Variants in METTL16 observed in about 807,000 individuals in gnomAD.
The protein encoded by METTL16 is methyltransferase 16, RNA N6-adenosine.
In METTL16, 19 loss-of-function variants were observed where a neutral mutation model predicts 57.9. The observed-to-expected ratio is 0.33, with a 90% CI of 0.23 to 0.48. The LOEUF (loss-of-function observed/expected upper bound fraction) is 0.48. Among genes scored for constraint, METTL16 ranks in the 20% least tolerant of loss-of-function variants. The pLI is 0.99. For synonymous variants in METTL16, 246 were observed against 255.6 expected (o/e 0.96, Z 0.36); for missense variants, 434 against 691.5 (o/e 0.63, Z 4.18).
At chr17:2,510,286 T>A (rs925229962) in intron 1 of METTL16, among the ~76,000 whole-genome samples, 29 of 152,184 alleles carry the variant, frequency 1.9e-4, no homozygotes, top group African/African-American at 6.3e-4. Flanking sequence ...ATTTTTTATA[T>A]CTATGTATTG....
At chr17:2,474,386 G>GAAAAAAAAAAAAAAAAAAAACAAAAA (rs2067255520) in intron 3 of METTL16, among the ~76,000 whole-genome samples, 1 of 60,236 alleles carries the variant, frequency 1.7e-5, no homozygotes, top group African/African-American at 4.3e-5. Context: ...GAAACAAAAA[G>GAAAAAAAAAAAAAAAAAAAACAAAAA]AAAAAAAAAA....
intron 6 of METTL16, among the ~76,000 whole-genome samples, chr17:2,441,805 G>A (rs1289904763): frequency 6.6e-6 from 1 of 152,108 alleles, no homozygotes; most frequent in Non-Finnish European, 1.5e-5. Context: ...CAATGCTTCA[G>A]GGCTATGTAT....
At chr17:2,452,459 C>T (rs2067078190) in intron 6 of METTL16, among the ~76,000 whole-genome samples, 1 of 152,082 alleles carries the variant, frequency 6.6e-6, no homozygotes. Flanking sequence ...TAGCTACTCT[C>T]AACGGGCATC....
chr17:2,468,502 A>C (rs2067216588), intron 4 of METTL16, among the ~76,000 whole-genome samples: 1 of 152,194 alleles, frequency 6.6e-6, no homozygotes, highest in Non-Finnish European at 1.5e-5. Context: ...CCGCAAATGC[A>C]TCAAAGGGTC....
rs560719866 is a variant in METTL16 at position 2,453,313 on chromosome 17, C to T, written c.728+10895G>A. 2.6e-5 allele frequency among the ~76,000 whole-genome samples: 4 copies of T among 152,286 alleles called. No homozygotes were observed. The East Asian group carries it at 5.8e-4, about 22-fold the overall frequency. ...CCCGATACAAGGCCCCTTAGGATTGCGAATTTCATGTACTTGTCATGTCTC... is the reference window on the plus strand; with the variant it reads ...CCCGATACAAGGCCCCTTAGGATTGTGAATTTCATGTACTTGTCATGTCTC... On this transcript the variant is annotated intron_variant, in intron 6 of 9. Coordinates refer to ENST00000263092, the MANE Select transcript of METTL16 (RefSeq NM_024086.4).
At chr17:2,486,999 G>A (rs2067347244) in intron 2 of METTL16, among the ~76,000 whole-genome samples, 1 of 71,466 alleles carries the variant, frequency 1.4e-5, no homozygotes, top group African/African-American at 5.5e-5. Flanking sequence ...GTGAGATCCT[G>A]TCTCAAAAAA....
chr17:2,494,236 G>T (rs2067423955), intron 2 of METTL16, among the ~76,000 whole-genome samples: 1 of 152,044 alleles, frequency 6.6e-6, no homozygotes, highest in Admixed American at 6.6e-5. Flanking sequence ...TGGCCAGGCT[G>T]GTCTCAAACT....
chr17:2,472,504 ACTTT>A (rs1296389813), intron 4 of METTL16, among the ~76,000 whole-genome samples: 1 of 152,200 alleles, frequency 6.6e-6, no homozygotes, highest in Non-Finnish European at 1.5e-5. Context: ...GTTTCTCACA[ACTTT>A]ATTTGTAATT....
At chr17:2,448,802 TA>T (rs71150866) in intron 6 of METTL16, among the ~76,000 whole-genome samples, 337 of 43,614 alleles carry the variant, frequency 7.7e-3, no homozygotes, top group South Asian at 0.015. Context: ...AAATAAAATT[TA>T]AAAAAAAAAA....
At chr17:2,427,090 G>A (rs533026629) in intron 8 of METTL16, among the ~76,000 whole-genome samples, 1 of 152,294 alleles carries the variant, frequency 6.6e-6, no homozygotes, top group South Asian at 2.1e-4. Context: ...GGCCTGCAGT[G>A]AGCCGACATC....
intron 2 of METTL16, among the ~76,000 whole-genome samples, chr17:2,481,923 C>T (rs568204400): frequency 7.2e-5 from 11 of 152,068 alleles, no homozygotes; most frequent in African/African-American, 1.7e-4. Flanking sequence ...GGGTTAGGGA[C>T]GCAGTAGGGT....
chr17:2,485,178 C>A (rs980024882), intron 2 of METTL16, among the ~76,000 whole-genome samples: 1 of 152,170 alleles, frequency 6.6e-6, no homozygotes, highest in African/African-American at 2.4e-5. Flanking sequence ...GGAGCGTGAA[C>A]CCTCCTGGGA....
chr17:2,491,118 G>T (rs1197781070), intron 2 of METTL16, among the ~76,000 whole-genome samples: 1 of 152,056 alleles, frequency 6.6e-6, no homozygotes, highest in African/African-American at 2.4e-5. Flanking sequence ...TAGCACTCTG[G>T]GACATTCAAA....
At chr17:2,447,994 T>G (rs1221655331) in intron 6 of METTL16, among the ~76,000 whole-genome samples, 25 of 88,188 alleles carry the variant, frequency 2.8e-4, no homozygotes, top group Admixed American at 4.4e-4. Context: ...GTCCGGGAGG[T>G]GAGGGGCGCC....
chr17:2,442,885 T>C (rs986879515), intron 6 of METTL16, among the ~76,000 whole-genome samples: 6 of 152,092 alleles, frequency 3.9e-5, no homozygotes, highest in Non-Finnish European at 7.4e-5. Context: ...TGGAGTGCAG[T>C]GGTACCATCT....
At position 2,467,788 on chromosome 17, in the gene METTL16, G is replaced by A; in HGVS notation, c.558C>T (p.Pro186=). The A allele has an allele frequency of 1.2e-6, 2 of 1,613,952 alleles. No individual in the cohort carries two copies. Among genetic ancestry groups the A allele is most frequent in the Non-Finnish European group, 1.7e-6 (2 of 1,179,850 alleles). Residue 186 remains proline, a synonymous_variant, in exon 5 of 10, where the codon CCC becomes CCT. Transcript: ENST00000263092. The part of the protein sequence containing the change: ...IIYDFCMCNP[P]FFANQLEAKG... ...TGGCTTCCAATTGATTGGCAAAAAA[G>A]GGAGGGTTGCACATGCAAAAGTCAT... is the stretch of plus-strand genomic sequence containing the variant.
intron 6 of METTL16, among the ~76,000 whole-genome samples, chr17:2,461,576 C>CT (rs568432589): frequency 0.086 from 10,626 of 123,906 alleles, 699 homozygotes; most frequent in African/African-American, 0.15. Context: ...GTTCTCCTGT[C>CT]TTTTTTTTTT....
At chr17:2,456,036 T>C (rs2067107942) in intron 6 of METTL16, among the ~76,000 whole-genome samples, 1 of 152,018 alleles carries the variant, frequency 6.6e-6, no homozygotes, top group South Asian at 2.1e-4. Flanking sequence ...GTCCCTTATC[T>C]TTCAGGCTGC....
chr17:2,437,527 GT>G (rs932335895), intron 8 of METTL16, among the ~76,000 whole-genome samples: 3 of 132,292 alleles, frequency 2.3e-5, no homozygotes, highest in African/African-American at 1.2e-4. Flanking sequence ...CCTGAATTTT[GT>G]TTTTTAAAAA....
Sources: allele counts gnomAD v4.1 joint callset (sites outside exome capture counted in the v4.1 genomes callset), GRCh38; gene constraint gnomAD v4.1.1; transcripts MANE v1.5; gene names NCBI Gene and HGNC (gene_info 2026-07-23, HGNC 2026-07-21).